SLC24A2: variants seen among roughly 807,000 people sequenced by gnomAD.
The protein encoded by SLC24A2 is solute carrier family 24 member 2, also known as sodium/potassium/calcium exchanger 2.
In SLC24A2, 36 loss-of-function variants were observed where a neutral mutation model predicts 62.0. The ratio of observed to expected loss-of-function variants is 0.58; its 90% confidence interval spans 0.44 to 0.77. The LOEUF (loss-of-function observed/expected upper bound fraction) is 0.77, where lower values mean the gene tolerates loss of function less well. Ranked by LOEUF, SLC24A2 falls within the 30% of genes least tolerant of loss-of-function variation. The pLI is 0.00. For synonymous variants in SLC24A2, 358 were observed against 294.0 expected (o/e 1.22, Z -2.23); for missense variants, 846 against 817.9 (o/e 1.03, Z -0.42).
At chr9:19,691,615 A>C (rs892679025) in intron 2 of SLC24A2, among the ~76,000 whole-genome samples, 1 of 152,204 alleles carries the variant, frequency 6.6e-6, no homozygotes, top group Admixed American at 6.5e-5. Context: ...GCTTCTAAGC[A>C]ATAACTTTTG....
At chr9:19,706,004 C>T (rs375229923) in intron 2 of SLC24A2, among the ~76,000 whole-genome samples, 11 of 151,046 alleles carry the variant, frequency 7.3e-5, no homozygotes, top group South Asian at 2.1e-4. Context: ...CTTTCTGTCT[C>T]GTTGATCTGT....
intron 2 of SLC24A2, among the ~76,000 whole-genome samples, chr9:19,631,655 C>T (rs1033954646): frequency 6.6e-6 from 1 of 152,124 alleles, no homozygotes; most frequent in Admixed American, 6.5e-5. Flanking sequence ...GAGACTAGAG[C>T]TTTGAAAGGA....
the SLC24A2 span, among the ~76,000 whole-genome samples, chr9:20,293,801 G>C: frequency 1.3e-5 from 2 of 152,104 alleles, no homozygotes; most frequent in South Asian, 2.1e-4. Context: ...TCCTCCTAGA[G>C]ATATTTGAAG....
At chr9:19,974,937 T>C in the SLC24A2 span, among the ~76,000 whole-genome samples, 1 of 152,202 alleles carries the variant, frequency 6.6e-6, no homozygotes, top group Non-Finnish European at 1.5e-5. Context: ...CAAACTCATA[T>C]GGCAGTGTCC....
intron 2 of SLC24A2, among the ~76,000 whole-genome samples, chr9:19,777,958 T>G (rs1822892560): frequency 6.6e-6 from 1 of 152,178 alleles, no homozygotes; most frequent in South Asian, 2.1e-4. Flanking sequence ...TAACTTCATG[T>G]TAGAATTGCT....
At chr9:19,785,539 G>T (rs1344467709) in intron 2 of SLC24A2, among the ~76,000 whole-genome samples, 1 of 152,114 alleles carries the variant, frequency 6.6e-6, no homozygotes, top group Non-Finnish European at 1.5e-5. Context: ...CTTGGTAATT[G>T]CCATGTGTTC....
intron 2 of SLC24A2, among the ~76,000 whole-genome samples, chr9:19,782,248 G>A (rs547245584): frequency 2.0e-4 from 30 of 152,246 alleles, no homozygotes; most frequent in African/African-American, 5.3e-4. Flanking sequence ...AAAATGAGCC[G>A]AATGATCTGA....
the SLC24A2 span, among the ~76,000 whole-genome samples, chr9:20,187,289 T>A: frequency 1.5e-4 from 23 of 152,364 alleles, no homozygotes; most frequent in South Asian, 3.5e-3. Context: ...AGTTTTTTTT[T>A]ATCATTCACT....
chr9:19,721,521 A>C (rs1220791004), intron 2 of SLC24A2, among the ~76,000 whole-genome samples: 1 of 152,162 alleles, frequency 6.6e-6, no homozygotes, highest in Admixed American at 6.5e-5. Flanking sequence ...TTCACAATGA[A>C]GTTTTAAAAG....
At chr9:20,303,633 T>G in the SLC24A2 span, among the ~76,000 whole-genome samples, 1 of 152,184 alleles carries the variant, frequency 6.6e-6, no homozygotes, top group African/African-American at 2.4e-5. Flanking sequence ...ACCAGAGCCT[T>G]GAAGATCGTC....
At chr9:19,698,125 G>T (rs975454791) in intron 2 of SLC24A2, among the ~76,000 whole-genome samples, 1 of 152,128 alleles carries the variant, frequency 6.6e-6, no homozygotes, top group African/African-American at 2.4e-5. Context: ...TACAGGTTGA[G>T]CATCCCTAAT....
the SLC24A2 span, among the ~76,000 whole-genome samples, chr9:19,826,684 T>C: frequency 6.6e-6 from 1 of 152,198 alleles, no homozygotes. Flanking sequence ...CTCAAGCCTT[T>C]TAATAAGGCA....
At chr9:20,267,325 C>T in the SLC24A2 span, among the ~76,000 whole-genome samples, 1 of 152,154 alleles carries the variant, frequency 6.6e-6, no homozygotes, top group East Asian at 1.9e-4. Flanking sequence ...TTGTCCAGGT[C>T]TCCTGGTAAG....
At chr9:19,926,413 T>C in the SLC24A2 span, 17,044 of 152,280 alleles carry the variant, frequency 0.11, 1,241 homozygotes, top group Non-Finnish European at 0.16. Context: ...ACCCTGGCTC[T>C]CCCGCGCCAG....
the SLC24A2 span, among the ~76,000 whole-genome samples, chr9:19,932,994 C>G: frequency 6.6e-6 from 1 of 152,232 alleles, no homozygotes; most frequent in Non-Finnish European, 1.5e-5. Flanking sequence ...GAATTTTTCT[C>G]TGGAAAGTGG....
chr9:19,961,209 C>A, the SLC24A2 span, among the ~76,000 whole-genome samples: 6 of 148,622 alleles, frequency 4.0e-5, no homozygotes, highest in South Asian at 6.4e-4. Flanking sequence ...GCACACGTAC[C>A]CTAAAACTTA....
intron 4 of SLC24A2, among the ~76,000 whole-genome samples, chr9:19,608,924 G>C (rs1329366361): frequency 1.3e-5 from 2 of 152,168 alleles, no homozygotes; most frequent in Non-Finnish European, 1.5e-5. Context: ...CCACGTTTTG[G>C]TTGGGACAAT....
At chr9:20,271,661 G>A in the SLC24A2 span, among the ~76,000 whole-genome samples, 32 of 152,268 alleles carry the variant, frequency 2.1e-4, no homozygotes, top group East Asian at 2.3e-3. Flanking sequence ...GCAAGAGACT[G>A]ACACAGATGT....
chr9:19,939,404 G>T, the SLC24A2 span, among the ~76,000 whole-genome samples: 1 of 152,212 alleles, frequency 6.6e-6, no homozygotes, highest in Non-Finnish European at 1.5e-5. Context: ...GTAGGCAATT[G>T]TAACACAATG....
Sources: gnomAD v4.1 joint callset for allele counts (sites outside exome capture counted in the v4.1 genomes callset) on GRCh38, gnomAD v4.1.1 for gene constraint, MANE v1.5 for transcripts, NCBI Gene and HGNC (gene_info 2026-07-23, HGNC 2026-07-21) for gene names.